The following SLC27A6 variants were observed in gnomAD, a reference collection of about 807,000 sequenced individuals.
The protein encoded by SLC27A6 is solute carrier family 27 member 6, also known as long-chain fatty acid transport protein 6.
A neutral mutation model predicts 63.9 loss-of-function variants in SLC27A6; 74 were observed. The ratio of observed to expected loss-of-function variants is 1.16; its 90% CI spans 0.96 to 1.40. The LOEUF (loss-of-function observed/expected upper bound fraction) is 1.40, where lower values mean the gene tolerates loss of function less well. SLC27A6 is among the 40% of genes most tolerant of loss of function. SLC27A6 has a pLI of 0.00. For synonymous variants in SLC27A6, 287 were observed against 260.8 expected, an observed-to-expected ratio of 1.10 and a Z score of -0.97; for missense variants, 794 against 732.9, an observed-to-expected ratio of 1.08 and a Z score of -0.96.
intron 4 of SLC27A6, among the ~76,000 whole-genome samples, chr5:129,014,045 T>C (rs1044014338): frequency 1.3e-5 from 2 of 152,132 alleles, no homozygotes; most frequent in African/African-American, 2.4e-5. Context: ...GTTTCCTTGA[T>C]AGTAACTGAA....
At chr5:128,971,562 G>C (rs1412122192) in intron 1 of SLC27A6, among the ~76,000 whole-genome samples, 1 of 150,278 alleles carries the variant, frequency 6.7e-6, no homozygotes, top group Non-Finnish European at 1.5e-5. Flanking sequence ...TTTTTTATCA[G>C]AGACTAGGAT....
intron 1 of SLC27A6, among the ~76,000 whole-genome samples, chr5:128,976,946 G>A (rs1750411037): frequency 6.6e-6 from 1 of 152,182 alleles, no homozygotes; most frequent in African/African-American, 2.4e-5. Flanking sequence ...TATACCATAT[G>A]CAAGTAAATC....
chr5:129,008,102 GAT>G (rs1362231967), intron 4 of SLC27A6, among the ~76,000 whole-genome samples: 1 of 151,492 alleles, frequency 6.6e-6, no homozygotes, highest in African/African-American at 2.4e-5. Context: ...AATGTTGTAT[GAT>G]ATGATATGTG....
chr5:128,990,980 G>T (rs896590498), intron 4 of SLC27A6, among the ~76,000 whole-genome samples: 1 of 152,208 alleles, frequency 6.6e-6, no homozygotes, highest in Non-Finnish European at 1.5e-5. Context: ...CAAAAGCTCA[G>T]CTTGAGCCAG....
At chr5:129,025,565 A>G (rs998613521) in intron 6 of SLC27A6, among the ~76,000 whole-genome samples, 1 of 151,984 alleles carries the variant, frequency 6.6e-6, no homozygotes, top group Non-Finnish European at 1.5e-5. Flanking sequence ...GGCCTTTCTT[A>G]TAGGTTTGTG....
chr5:128,969,408 C>A (rs1223835526), intron 1 of SLC27A6, among the ~76,000 whole-genome samples: 2 of 152,134 alleles, frequency 1.3e-5, no homozygotes, highest in Non-Finnish European at 2.9e-5. Flanking sequence ...ATGGAATGTT[C>A]TTCCATTTGT....
At chr5:128,978,790 A>C (rs1750477434) in intron 1 of SLC27A6, among the ~76,000 whole-genome samples, 1 of 152,238 alleles carries the variant, frequency 6.6e-6, no homozygotes, top group African/African-American at 2.4e-5. Context: ...AGAAGGCAAA[A>C]TCATTATAAA....
chr5:129,029,700 G>C lies in SLC27A6; in HGVS notation c.1676G>C (p.Arg559Thr), dbSNP rs2150156800. ...GCTTATGCTTGTCCACGATTTTTAA[G>C]AATTCAGGTAATTTTAGTGGCGGAG... ...LPAYACPRFL[R>T]IQEKMEATGT... is the part of the protein sequence containing the mutation. The change falls in exon 9 of 10, where the codon AGA becomes ACA. Residue 559 changes from arginine to threonine, a missense_variant. Coordinates refer to ENST00000262462, the MANE Select transcript of SLC27A6 (RefSeq NM_001017372.3). 6.3e-7 allele frequency: 1 copy of C among 1,594,968 alleles called. No individual in the cohort carries two copies. Among genetic ancestry groups the C allele is most frequent in the African/African-American group, 1.4e-5 (1 of 73,640 alleles).
intron 1 of SLC27A6, 83 bp downstream of exon 1, chr5:128,966,701 G>A (rs1749918135): frequency 7.6e-7 from 1 of 1,315,772 alleles, no homozygotes. Context: ...AGGATAATTC[G>A]TAACTAATAT....
intron 4 of SLC27A6, among the ~76,000 whole-genome samples, chr5:128,995,511 G>T (rs1023306629): frequency 6.6e-6 from 1 of 152,152 alleles, no homozygotes; most frequent in South Asian, 2.1e-4. Context: ...AACAGGGTGC[G>T]GTGATGGAGA....
At chr5:128,969,688 A>G (rs36192465) in intron 1 of SLC27A6, among the ~76,000 whole-genome samples, 36,660 of 152,062 alleles carry the variant, frequency 0.24, 4,973 homozygotes, top group Middle Eastern at 0.33. Flanking sequence ...TTCTCTAAAT[A>G]TACAATCATG....
At chr5:129,011,684 A>G (rs991772692) in intron 4 of SLC27A6, among the ~76,000 whole-genome samples, 2 of 152,180 alleles carry the variant, frequency 1.3e-5, no homozygotes, top group Non-Finnish European at 2.9e-5. Context: ...GCCTAGGTGG[A>G]TGCTACATCT....
rs369912834 is a variant in SLC27A6, at chr5:128,984,116, T to A, written c.482-1017T>A. The stretch of plus-strand genomic sequence containing the variant: ...TAGAATATAAAAGTTGAACTTCATG[T>A]CAGAGATCCATGCTAAAGTAAGGGA... On this transcript the variant is annotated intron_variant, in intron 1 of 9. Coordinates refer to ENST00000262462, the MANE Select transcript of SLC27A6 (RefSeq NM_001017372.3). Among the ~76,000 whole-genome samples the A allele has an allele frequency of 1.5e-4, 23 of 152,314 alleles. No individual in the cohort carries two copies. The South Asian group carries it at 3.7e-3, about 25-fold the overall frequency.
intron 1 of SLC27A6, among the ~76,000 whole-genome samples, chr5:128,971,755 C>T (rs2150127212): frequency 6.6e-6 from 1 of 152,192 alleles, no homozygotes; most frequent in Non-Finnish European, 1.5e-5. Flanking sequence ...ACATTTAGTC[C>T]ATTTACATTT....
At chr5:128,990,744 T>C (rs189543667) in intron 4 of SLC27A6, among the ~76,000 whole-genome samples, 70 of 152,238 alleles carry the variant, frequency 4.6e-4, no homozygotes, top group African/African-American at 1.7e-3. Flanking sequence ...TTAGAAGCCA[T>C]GGGTCATGGA....
chr5:129,028,001 C>G (rs1752299193), intron 7 of SLC27A6, among the ~76,000 whole-genome samples: 1 of 151,966 alleles, frequency 6.6e-6, no homozygotes, highest in Admixed American at 6.6e-5. Context: ...GCTTTCAATT[C>G]TTAACACCAG....
intron 5 of SLC27A6, among the ~76,000 whole-genome samples, chr5:129,022,584 T>C (rs181566639): frequency 6.6e-6 from 1 of 152,320 alleles, no homozygotes; most frequent in Non-Finnish European, 1.5e-5. Context: ...TCTCACTTCA[T>C]TTTATTACAT....
At chr5:128,970,668 G>A (rs923710910) in intron 1 of SLC27A6, among the ~76,000 whole-genome samples, 3 of 151,896 alleles carry the variant, frequency 2.0e-5, no homozygotes, top group Non-Finnish European at 4.4e-5. Context: ...TATTAGTCTT[G>A]CTAGCAGTCT....
At chr5:129,030,981 C>G (rs1752400064) in intron 9 of SLC27A6, among the ~76,000 whole-genome samples, 1 of 151,890 alleles carries the variant, frequency 6.6e-6, no homozygotes, top group Non-Finnish European at 1.5e-5. Context: ...TCATCCTCAC[C>G]CAACCCCATA....
Sources: allele counts gnomAD v4.1 joint callset (sites outside exome capture counted in the v4.1 genomes callset), GRCh38; gene constraint gnomAD v4.1.1; transcripts MANE v1.5; gene names NCBI Gene and HGNC (gene_info 2026-07-23, HGNC 2026-07-21).